OTUD7A: variants seen among roughly 807,000 people sequenced by gnomAD.
OTUD7A encodes the protein OTU deubiquitinase 7A.
A neutral mutation model predicts 65.7 loss-of-function variants in OTUD7A; 12 were observed. The observed-to-expected ratio is 0.18, with a 90% CI of 0.12 to 0.30. The LOEUF is 0.30. OTUD7A is among the 10% of genes least tolerant of loss of function. OTUD7A has a pLI of 1.00. For missense variants in OTUD7A, 1,148 were observed against 1,304.8 expected (o/e 0.88, Z 1.85); for synonymous variants, 641 against 586.3 (o/e 1.09, Z -1.35).
At chr15:31,626,522 C>T (rs1360773666) in intron 3 of OTUD7A, among the ~76,000 whole-genome samples, 1 of 152,088 alleles carries the variant, frequency 6.6e-6, no homozygotes, top group Non-Finnish European at 1.5e-5. Context: ...CTATCTGTAA[C>T]TTGGAGGAGC....
chr15:31,860,677 G>GTGTATATATATATATA (rs560896384), intron 1 of OTUD7A, among the ~76,000 whole-genome samples: 2,419 of 73,242 alleles, frequency 0.033, 184 homozygotes, highest in Admixed American at 0.041. Flanking sequence ...ATGTATGTGT[G>GTGTATATATATATATA]TATATATATA....
In OTUD7A at chr15:31,484,342, G is replaced by A. The variant is rs373551661; in HGVS notation, c.1754C>T (p.Ser585Leu). 6.2e-7 allele frequency: 1 copy of A among 1,600,434 alleles called. No individual in the cohort carries two copies. Among genetic ancestry groups the A allele is most frequent in the Non-Finnish European group, 8.5e-7 (1 of 1,179,342 alleles). Reference sequence around the variant, plus strand: ...CTTTTCCGACGGCGACGTGCTGGCCGACGCACCAGACTCCTCCTTGCTGCC... The same window carrying A: ...CTTTTCCGACGGCGACGTGCTGGCCAACGCACCAGACTCCTCCTTGCTGCC... Reference protein sequence around the residue: ...RKGSKEESGASASTSPSEKTT... With the variant: ...RKGSKEESGALASTSPSEKTT... Residue 585 changes from serine (S) to leucine (L), a missense_variant, in exon 13 of 13, where the codon TCG becomes TTG. By Grantham distance (145) the Ser-to-Leu change is moderately radical. This residue lies in a region of OTUD7A where 842 missense variants were observed against 769.5 expected (regional missense o/e 1.09). Transcript: ENST00000307050. The surrounding 1 kb of genome is among the most constrained non-coding windows in gnomAD (Gnocchi z 4.5).
chr15:31,776,515 G>A (rs1440373383), intron 1 of OTUD7A, among the ~76,000 whole-genome samples: 1 of 152,172 alleles, frequency 6.6e-6, no homozygotes, highest in African/African-American at 2.4e-5. Flanking sequence ...AGTGGCAGCT[G>A]CCCTGTCCTA....
intron 8 of OTUD7A, among the ~76,000 whole-genome samples, chr15:31,509,048 T>C (rs543937162): frequency 6.6e-6 from 1 of 152,214 alleles, no homozygotes; most frequent in Non-Finnish European, 1.5e-5. Context: ...TGTTAAACTT[T>C]ATTTTAATAA....
intron 5 of OTUD7A, among the ~76,000 whole-genome samples, chr15:31,538,755 A>G (rs190206353): frequency 2.1e-3 from 324 of 152,176 alleles, no homozygotes; most frequent in Middle Eastern, 3.4e-3. Flanking sequence ...AATGAATGTC[A>G]CCCCTCTGCC....
intron 1 of OTUD7A, among the ~76,000 whole-genome samples, chr15:31,859,212 C>T (rs1428207489): frequency 6.6e-6 from 1 of 151,998 alleles, no homozygotes; most frequent in Non-Finnish European, 1.5e-5. Flanking sequence ...TATTTTTTAA[C>T]TTGACAAAAC....
chr15:31,849,846 A>G (rs1897377503), intron 1 of OTUD7A, among the ~76,000 whole-genome samples: 1 of 152,244 alleles, frequency 6.6e-6, no homozygotes, highest in African/African-American at 2.4e-5. Flanking sequence ...CAAAACCACA[A>G]TGAGATACCA....
intron 5 of OTUD7A, among the ~76,000 whole-genome samples, chr15:31,547,563 A>C (rs1158468182): frequency 6.6e-6 from 1 of 152,234 alleles, no homozygotes; most frequent in African/African-American, 2.4e-5. Context: ...AAAAGTGAGA[A>C]CATAATGACA....
chr15:31,504,604 C>A (rs1366405660), intron 8 of OTUD7A, among the ~76,000 whole-genome samples: 1 of 152,196 alleles, frequency 6.6e-6, no homozygotes, highest in Admixed American at 6.5e-5. Flanking sequence ...GCAGTGCCTG[C>A]CAGCTGAGAT....
At chr15:31,753,617 A>C (rs1894700193) in intron 1 of OTUD7A, among the ~76,000 whole-genome samples, 1 of 149,486 alleles carries the variant, frequency 6.7e-6, no homozygotes, top group Non-Finnish European at 1.5e-5. Context: ...AGGTTGCTGC[A>C]AATGCCATTA....
intron 1 of OTUD7A, among the ~76,000 whole-genome samples, chr15:31,729,872 T>C (rs1893993835): frequency 6.6e-6 from 1 of 152,198 alleles, no homozygotes; most frequent in Admixed American, 6.5e-5. Context: ...CCCTCTGCCC[T>C]TTGTCCTCCA....
chr15:31,513,693 ATTGTCCCATCACTGGTGAGG>A (rs887471777), intron 8 of OTUD7A, among the ~76,000 whole-genome samples: 8 of 152,234 alleles, frequency 5.3e-5, no homozygotes, highest in East Asian at 3.9e-4. Flanking sequence ...TGAACTGCAG[ATTGTCCCATCACTGGTGAGG>A]TTGTCCCATC....
chr15:31,725,161 T>C (rs1308742341), intron 1 of OTUD7A, among the ~76,000 whole-genome samples: 3 of 152,180 alleles, frequency 2.0e-5, no homozygotes, highest in Admixed American at 2.0e-4. Context: ...ATGGTCTCTT[T>C]AGTGCCCTAT....
At chr15:31,847,412 G>A (rs549684822) in intron 1 of OTUD7A, among the ~76,000 whole-genome samples, 4 of 152,252 alleles carry the variant, frequency 2.6e-5, no homozygotes, top group South Asian at 4.1e-4. Context: ...GTTCCTTCTC[G>A]TTCCTTTACT....
chr15:31,499,560 C>T (rs1201288329), intron 10 of OTUD7A, among the ~76,000 whole-genome samples: 1 of 152,236 alleles, frequency 6.6e-6, no homozygotes, highest in Non-Finnish European at 1.5e-5. Flanking sequence ...GACTCTGTCC[C>T]GTCCCCACAG....
chr15:31,519,811 A>C (rs1490800864), intron 8 of OTUD7A, among the ~76,000 whole-genome samples: 2 of 152,254 alleles, frequency 1.3e-5, no homozygotes, highest in East Asian at 3.8e-4. Context: ...GTTTCAGGAT[A>C]CAACATTAAC....
intron 3 of OTUD7A, among the ~76,000 whole-genome samples, chr15:31,598,948 C>T (rs1396588475): frequency 6.6e-6 from 1 of 152,070 alleles, no homozygotes; most frequent in Non-Finnish European, 1.5e-5. Flanking sequence ...GGCCAGACTG[C>T]CTCTGGACTC....
chr15:31,848,155 A>G (rs1237685759), intron 1 of OTUD7A, among the ~76,000 whole-genome samples: 1 of 152,228 alleles, frequency 6.6e-6, no homozygotes, highest in African/African-American at 2.4e-5. Flanking sequence ...CTCATGGCTT[A>G]CAGGAGCGGC....
chr15:31,754,429 T>C (rs949055842), intron 1 of OTUD7A, among the ~76,000 whole-genome samples: 2 of 152,246 alleles, frequency 1.3e-5, no homozygotes, highest in African/African-American at 4.8e-5. Context: ...ATGAAATCCT[T>C]GCCTAAGCCA....
Sources: gnomAD v4.1 joint callset for allele counts (sites outside exome capture counted in the v4.1 genomes callset) on GRCh38, gnomAD v4.1.1 for gene constraint, gnomAD v4.1.1 regional missense constraint, Gnocchi (gnomAD v3.1) non-coding constraint, MANE v1.5 for transcripts, NCBI Gene and HGNC (gene_info 2026-07-23, HGNC 2026-07-21) for gene names.